The following ARHGAP44 variants were observed in gnomAD, a reference collection of about 807,000 sequenced individuals.
ARHGAP44 encodes the protein Rho GTPase activating protein 44, also known as rho GTPase-activating protein 44.
A neutral mutation model predicts 106.8 loss-of-function variants in ARHGAP44; 43 were observed. That is an observed-to-expected ratio of 0.40 (90% CI 0.32 to 0.52). ARHGAP44 has a LOEUF of 0.52. ARHGAP44 is among the 20% of genes least tolerant of loss of function. ARHGAP44 has a pLI of 0.48. For missense variants in ARHGAP44, 866 were observed against 1,050.5 expected (o/e 0.82, Z 2.43); for synonymous variants, 439 against 410.3 (o/e 1.07, Z -0.85).
chr17:12,800,593 A>T (rs1447082586), intron 1 of ARHGAP44, among the ~76,000 whole-genome samples: 2 of 152,216 alleles, frequency 1.3e-5, no homozygotes, highest in Non-Finnish European at 2.9e-5. Flanking sequence ...CTCAAAGTAG[A>T]AGGCAATCCT....
At chr17:12,815,422 C>T (rs1425398311) in intron 1 of ARHGAP44, among the ~76,000 whole-genome samples, 2 of 152,082 alleles carry the variant, frequency 1.3e-5, no homozygotes, top group South Asian at 2.1e-4. Flanking sequence ...GTAGAAAAGG[C>T]TGGAAGCGTG....
chr17:12,839,627 T>A (rs2035336077), intron 1 of ARHGAP44, among the ~76,000 whole-genome samples: 1 of 152,154 alleles, frequency 6.6e-6, no homozygotes, highest in South Asian at 2.1e-4. Flanking sequence ...ACCAGATGAG[T>A]GGAAATCTGC....
rs1344586749 is a variant in ARHGAP44 at position 12,910,746 on chromosome 17, C to T, written c.275+1773C>T. On this transcript the variant is annotated intron_variant, in intron 4 of 20. Transcript: ENST00000379672. ...CAGGAGTGCTTATGTAGCATTTTAA[C>T]AAAGAATGATATTTTTTTAGAGAAG... Among the ~76,000 whole-genome samples the T allele has an allele frequency of 2.0e-5, 3 of 151,880 alleles. No individual in the cohort carries two copies. In the South Asian group the frequency reaches 6.2e-4, roughly 31 times the overall value.
At chr17:12,817,093 A>G (rs1200372836) in intron 1 of ARHGAP44, among the ~76,000 whole-genome samples, 1 of 152,160 alleles carries the variant, frequency 6.6e-6, no homozygotes, top group Non-Finnish European at 1.5e-5. Flanking sequence ...ATGGAGTTCA[A>G]CTAGAAATCT....
chr17:12,967,325 G>A lies in ARHGAP44; in HGVS notation c.1524-5977G>A, dbSNP rs372148692. 1.2e-3 allele frequency among the ~76,000 whole-genome samples: 168 copies of A among 143,708 alleles called. 5 individuals are homozygous for A. In the South Asian group the frequency reaches 0.034, roughly 29 times the overall value. The allele number at this position is 143,708 out of a possible 152,430, so 94.3% of individuals were successfully genotyped here. On this transcript the variant is annotated intron_variant, in intron 16 of 20. Transcript: ENST00000379672. ...GCCCAGGCTGGTCTCAAACTCCTGGGCTCAATGATCCTCCCACCTCAGCCT... is the reference window on the plus strand; with the variant it reads ...GCCCAGGCTGGTCTCAAACTCCTGGACTCAATGATCCTCCCACCTCAGCCT...
chr17:12,839,284 C>G (rs900824624), intron 1 of ARHGAP44, among the ~76,000 whole-genome samples: 3 of 152,122 alleles, frequency 2.0e-5, no homozygotes, highest in Non-Finnish European at 4.4e-5. Context: ...TGGGCCTGCC[C>G]CTTTGAGGTA....
chr17:12,913,044 C>CT (rs2037787256), intron 4 of ARHGAP44, among the ~76,000 whole-genome samples: 2 of 152,070 alleles, frequency 1.3e-5, no homozygotes, highest in South Asian at 4.1e-4. Context: ...ACAGATGTGC[C>CT]TTAGGGATAC....
At chr17:12,843,221 T>C (rs2150833761) in intron 1 of ARHGAP44, among the ~76,000 whole-genome samples, 1 of 152,296 alleles carries the variant, frequency 6.6e-6, no homozygotes, top group Middle Eastern at 3.4e-3. Context: ...CTGAACTCTT[T>C]CTAATGCTAA....
intron 14 of ARHGAP44, among the ~76,000 whole-genome samples, 196 bp downstream of exon 14, chr17:12,956,176 C>T (rs2039122223): frequency 6.6e-6 from 1 of 151,946 alleles, no homozygotes; most frequent in Non-Finnish European, 1.5e-5. Flanking sequence ...TGTTGATGGT[C>T]CCAGAGCTAC....
intron 19 of ARHGAP44, chr17:12,982,761 G>T (rs2039863236): frequency 2.6e-5 from 4 of 152,196 alleles, no homozygotes; most frequent in Admixed American, 2.6e-4. Context: ...AATACAGCGG[G>T]TAAGTGGCAG....
At chr17:12,816,621 A>G (rs916119873) in intron 1 of ARHGAP44, among the ~76,000 whole-genome samples, 11 of 152,210 alleles carry the variant, frequency 7.2e-5, no homozygotes, top group African/African-American at 2.4e-4. Flanking sequence ...ATTTATTAAT[A>G]TATCAGATAC....
chr17:12,910,260 C>CT (rs71369352), intron 4 of ARHGAP44, among the ~76,000 whole-genome samples: 8,400 of 132,840 alleles, frequency 0.063, 302 homozygotes, highest in African/African-American at 0.079. Context: ...GGGGAGGAAA[C>CT]TTTTTTTTTT....
chr17:12,851,858 G>C (rs1010855525), intron 1 of ARHGAP44, among the ~76,000 whole-genome samples: 1 of 151,996 alleles, frequency 6.6e-6, no homozygotes, highest in Non-Finnish European at 1.5e-5. Context: ...AAATAGAGAC[G>C]ATGGCCGCAT....
chr17:12,985,066 C>T (rs935030336), intron 20 of ARHGAP44, 158 bp downstream of exon 20: 10 of 935,068 alleles, frequency 1.1e-5, no homozygotes, highest in Non-Finnish European at 7.7e-6. Context: ...CCTTAGAAGC[C>T]CACCAATGGA....
chr17:12,890,038 T>A (rs904978134), intron 1 of ARHGAP44, among the ~76,000 whole-genome samples: 2 of 152,198 alleles, frequency 1.3e-5, no homozygotes, highest in African/African-American at 4.8e-5. Flanking sequence ...ATGGTTTTGC[T>A]GGGTGTGGCA....
chr17:12,959,013 A>G lies in ARHGAP44; in HGVS notation c.1523+116A>G, dbSNP rs1174777389. On this transcript the variant is annotated intron_variant, in intron 16 of 20. Transcript: ENST00000379672. ...AGGCTGCACTGACTCTCAGCAGTTTAGGTGACTCGTAGCAATTAAACTGTA... is the reference window on the plus strand; with the variant it reads ...AGGCTGCACTGACTCTCAGCAGTTTGGGTGACTCGTAGCAATTAAACTGTA... 8.0e-6 allele frequency: 10 copies of G among 1,250,614 alleles called. No homozygotes were observed. The Admixed American group carries it at 1.6e-4, about 20-fold the overall frequency. 77.5% of individuals were successfully genotyped at this position (1,250,614 alleles called of 1,614,324 possible).
At chr17:12,930,836 T>G (rs1315140018) in intron 7 of ARHGAP44, among the ~76,000 whole-genome samples, 1 of 152,198 alleles carries the variant, frequency 6.6e-6, no homozygotes, top group Non-Finnish European at 1.5e-5. Flanking sequence ...TTCTCTCCCT[T>G]CCTGTCCAGC....
intron 1 of ARHGAP44, among the ~76,000 whole-genome samples, chr17:12,826,106 G>C (rs1316273156): frequency 6.6e-6 from 1 of 152,154 alleles, no homozygotes; most frequent in African/African-American, 2.4e-5. Context: ...TCAGGGGTAC[G>C]TGTACAGGTT....
At chr17:12,815,907 G>T (rs1392260118) in intron 1 of ARHGAP44, among the ~76,000 whole-genome samples, 1 of 152,150 alleles carries the variant, frequency 6.6e-6, no homozygotes, top group Non-Finnish European at 1.5e-5. Context: ...ACAGTCACTG[G>T]ACAGATGGAA....
Sources: gnomAD v4.1 joint callset for allele counts (sites outside exome capture counted in the v4.1 genomes callset) on GRCh38, gnomAD v4.1.1 for gene constraint, MANE v1.5 for transcripts, NCBI Gene and HGNC (gene_info 2026-07-23, HGNC 2026-07-21) for gene names.